The following NOL4L variants were observed in gnomAD, a reference collection of about 807,000 sequenced individuals.
The protein encoded by NOL4L is nucleolar protein 4 like, also known as nucleolar protein 4-like.
Under a neutral mutation model 64.5 loss-of-function variants are expected in NOL4L, and 7 were observed. That is an observed-to-expected ratio of 0.11 (90% CI 0.06 to 0.20). The LOEUF (loss-of-function observed/expected upper bound fraction) is 0.20. Ranked by LOEUF, NOL4L falls within the 10% of genes least tolerant of loss-of-function variation. NOL4L has a pLI of 1.00. For missense variants in NOL4L, 680 were observed against 967.1 expected (o/e 0.70, Z 3.94); for synonymous variants, 413 against 401.0 (o/e 1.03, Z -0.36).
chr20:32,523,676 TAAG>T (rs2018024049), intron 2 of NOL4L, among the ~76,000 whole-genome samples: 1 of 152,162 alleles, frequency 6.6e-6, no homozygotes, highest in Non-Finnish European at 1.5e-5. Flanking sequence ...CTGCTGTGTC[TAAG>T]GAGGGGAAGT....
intron 10 of NOL4L, chr20:32,449,991 A>T (rs1352003047): frequency 6.6e-6 from 1 of 152,364 alleles, no homozygotes; most frequent in Non-Finnish European, 1.5e-5. Flanking sequence ...CTTGGAAAGG[A>T]GAAGGTCCCT....
At chr20:32,537,176 C>T in intron 1 of NOL4L, 1 of 931,684 alleles carries the variant, frequency 1.1e-6, no homozygotes. Flanking sequence ...GCCTGATCTC[C>T]CGTAGTCCTC....
At position 32,464,759 on chromosome 20, in the gene NOL4L, G is replaced by T. The variant is rs555768081; in HGVS notation, c.842-8364C>A. ...TGCCCTAGTACCCACATTTTAAAAA[G>T]TAATAAAGAAACAGGTGAAATCAAT... On this transcript the variant is annotated intron_variant, in intron 5 of 10. Transcript: ENST00000621426. The surrounding 1 kb of genome is among the most constrained non-coding windows in gnomAD (Gnocchi z 5.6). The T allele has an allele frequency of 1.1e-5, 4 of 364,906 alleles. No individual in the cohort carries two copies. Among genetic ancestry groups the T allele is most frequent in the Admixed American group, 4.6e-5 (1 of 21,662 alleles). 22.6% of individuals were successfully genotyped at this position (364,906 alleles called of 1,614,324 possible).
chr20:32,567,944 A>G (rs1381015207), intron 1 of NOL4L, among the ~76,000 whole-genome samples: 1 of 151,634 alleles, frequency 6.6e-6, no homozygotes, highest in Admixed American at 6.6e-5. Context: ...CATCACCATC[A>G]CCATCATCTT....
Position 32,474,680 on chromosome 20 carries a change from G to A in NOL4L, c.762C>T (p.Asp254=). The A allele has an allele frequency of 6.2e-7, 1 of 1,613,852 alleles. No individual in the cohort carries two copies. The highest frequency in any genetic ancestry group is 1.1e-5 in the South Asian group (1 of 91,084). ...GGCTCAGGCTGGAGGCCAGGTGCGG[G>A]TCAGCTGACATCCATGTGGAGTCGC... ...DMSDSTWMSA[D]PHLASSLSPS... The change falls in exon 5 of 11, where the codon GAC becomes GAT. Residue 254 remains aspartate (D), a synonymous_variant. Coordinates refer to ENST00000621426, the MANE Select transcript of NOL4L (RefSeq NM_001256798.2).
chr20:32,546,238 G>A lies in NOL4L; in HGVS notation c.322-18325C>T, dbSNP rs573781764. Reference sequence around the variant, plus strand: ...TGGGATTACAGGCGTGAGCCAGTGCGCCCAGCTTTTTTTTCCTTTTTTTGG... The same window carrying A: ...TGGGATTACAGGCGTGAGCCAGTGCACCCAGCTTTTTTTTCCTTTTTTTGG... On this transcript the variant is annotated intron_variant, in intron 1 of 10. Transcript: ENST00000621426. Among the ~76,000 whole-genome samples the A allele has an allele frequency of 2.5e-4, 38 of 151,916 alleles. No homozygotes were observed. In the East Asian group the frequency reaches 6.5e-3, roughly 26 times the overall value.
intron 1 of NOL4L, among the ~76,000 whole-genome samples, chr20:32,547,003 A>C (rs2145602348): frequency 6.6e-6 from 1 of 152,348 alleles, no homozygotes; most frequent in South Asian, 2.1e-4. Context: ...ACTAACTTTC[A>C]GAGGGGCTTG....
At chr20:32,548,603 C>G (rs73107813) in intron 1 of NOL4L, 1 of 266,896 alleles carries the variant, frequency 3.7e-6, no homozygotes, top group East Asian at 1.2e-4. Context: ...ACAGTAACCT[C>G]GGTCATCACA....
intron 1 of NOL4L, among the ~76,000 whole-genome samples, chr20:32,554,048 C>T (rs556481243): frequency 4.0e-4 from 61 of 152,206 alleles, no homozygotes; most frequent in African/African-American, 3.4e-4. Context: ...TGGCCAGGCG[C>T]GGTGGCTCAC....
At chr20:32,559,544 A>C (rs1236638245) in intron 1 of NOL4L, among the ~76,000 whole-genome samples, 2 of 152,208 alleles carry the variant, frequency 1.3e-5, no homozygotes, top group Admixed American at 1.3e-4. Flanking sequence ...CACTTGAGGT[A>C]GGAATGTTAT....
chr20:32,505,933 G>A (rs2017123421), intron 4 of NOL4L, among the ~76,000 whole-genome samples: 1 of 152,070 alleles, frequency 6.6e-6, no homozygotes, highest in African/African-American at 2.4e-5. Context: ...TTTCTGTTTC[G>A]GGTGATGAAA....
chr20:32,497,678 A>AT (rs2016750036), intron 4 of NOL4L, among the ~76,000 whole-genome samples: 1 of 152,170 alleles, frequency 6.6e-6, no homozygotes, highest in Admixed American at 6.5e-5. Context: ...TACAGGGACC[A>AT]TCTGGATGTT....
intron 3 of NOL4L, among the ~76,000 whole-genome samples, chr20:32,518,290 C>T (rs561753537): frequency 7.0e-4 from 107 of 152,230 alleles, no homozygotes; most frequent in Non-Finnish European, 8.5e-4. Flanking sequence ...TGGGCTTCAG[C>T]GCTGGTTTAT....
intron 1 of NOL4L, among the ~76,000 whole-genome samples, chr20:32,578,969 G>C (rs548680922): frequency 2.6e-5 from 4 of 152,184 alleles, no homozygotes; most frequent in Admixed American, 2.6e-4. Flanking sequence ...TCATGGGGAC[G>C]GGGGTATGGC....
chr20:32,466,213 C>G (rs543079468), intron 5 of NOL4L, among the ~76,000 whole-genome samples: 1 of 152,310 alleles, frequency 6.6e-6, no homozygotes, highest in African/African-American at 2.4e-5. Flanking sequence ...AGTGATCTGC[C>G]TGCCTTAGCC....
chr20:32,528,167 G>C (rs1043037473), intron 1 of NOL4L, among the ~76,000 whole-genome samples: 5 of 152,212 alleles, frequency 3.3e-5, no homozygotes, highest in African/African-American at 1.2e-4. Flanking sequence ...AAACCAAGAG[G>C]CTCCATGTTC....
intron 2 of NOL4L, among the ~76,000 whole-genome samples, chr20:32,522,380 T>G (rs1407450629): frequency 2.0e-5 from 3 of 152,258 alleles, no homozygotes; most frequent in Non-Finnish European, 4.4e-5. Flanking sequence ...CAAACCCCAG[T>G]GTCTCTGACT....
At chr20:32,482,071 A>G (rs2015761463) in intron 4 of NOL4L, among the ~76,000 whole-genome samples, 1 of 152,078 alleles carries the variant, frequency 6.6e-6, no homozygotes, top group South Asian at 2.1e-4. Context: ...AAAGAGGAGG[A>G]AATCACAGAG....
intron 1 of NOL4L, among the ~76,000 whole-genome samples, chr20:32,537,436 C>G (rs2018566707): frequency 6.6e-6 from 1 of 152,240 alleles, no homozygotes; most frequent in Admixed American, 6.5e-5. Flanking sequence ...CAAGCACTCA[C>G]GGCCTCGTTT....
Sources: gnomAD v4.1 joint callset for allele counts (sites outside exome capture counted in the v4.1 genomes callset) on GRCh38, gnomAD v4.1.1 for gene constraint, Gnocchi (gnomAD v3.1) non-coding constraint, MANE v1.5 for transcripts, NCBI Gene and HGNC (gene_info 2026-07-23, HGNC 2026-07-21) for gene names.